CELF2: variants seen among roughly 807,000 people sequenced by gnomAD.
CELF2 encodes the protein CUGBP Elav-like family member 2, also known as CUG triplet repeat RNA-binding protein 2.
A neutral mutation model predicts 62.6 loss-of-function variants in CELF2; 8 were observed. The observed-to-expected ratio is 0.13, with a 90% CI of 0.07 to 0.23. The LOEUF is 0.23. Among genes scored for constraint, CELF2 ranks in the 10% least tolerant of loss-of-function variants. The probability of loss-of-function intolerance (pLI) is 1.00; values close to 1 mark genes in which losing one functional copy is unlikely to be tolerated. For missense variants in CELF2, 333 were observed against 671.0 expected (o/e 0.50, Z 5.56); for synonymous variants, 258 against 250.0 (o/e 1.03, Z -0.30).
chr10:11,331,929 G>C lies in CELF2; in HGVS notation c.*2876G>C. On this transcript the variant is annotated 3_prime_UTR_variant, in exon 13 of 13. Transcript: ENST00000633077. ...GTTTGTTTTGGGGTGTTTCCAATTT[G>C]GATTTTTTTCCCTGCATCTATCCTC... 1 of 152,236 alleles carries C rather than the reference G, an allele frequency of 6.6e-6. No homozygotes were observed. The highest frequency in any genetic ancestry group is 1.5e-5 in the Non-Finnish European group (1 of 68,004). The allele number at this position is 152,236 out of a possible 1,614,324, so 9.4% of individuals were successfully genotyped here.
intron 9 of CELF2, among the ~76,000 whole-genome samples, chr10:11,313,631 A>C (rs528412621): frequency 3.9e-4 from 59 of 152,330 alleles, no homozygotes; most frequent in African/African-American, 1.4e-3. Flanking sequence ...CACACACTTA[A>C]ATGACAATTA....
the CELF2 span, among the ~76,000 whole-genome samples, chr10:10,507,564 C>T: frequency 6.6e-6 from 1 of 152,072 alleles, no homozygotes; most frequent in Non-Finnish European, 1.5e-5. Flanking sequence ...TAGCATGATC[C>T]CACTAGCTAC....
At chr10:11,216,393 A>C (rs2063368893) in intron 2 of CELF2, among the ~76,000 whole-genome samples, 1 of 152,200 alleles carries the variant, frequency 6.6e-6, no homozygotes, top group Admixed American at 6.5e-5. Context: ...TAAAGCCAAA[A>C]TAAAATACAT....
the CELF2 span, among the ~76,000 whole-genome samples, chr10:10,777,609 C>T: frequency 6.6e-6 from 1 of 152,218 alleles, no homozygotes; most frequent in Admixed American, 6.5e-5. Context: ...CCTTGGTCAA[C>T]TTGTCTCCCC....
the CELF2 span, among the ~76,000 whole-genome samples, chr10:10,725,395 C>T: frequency 1.3e-5 from 2 of 152,078 alleles, no homozygotes; most frequent in African/African-American, 2.4e-5. Flanking sequence ...TTAAATAGTC[C>T]GCAACAGTAC....
At chr10:10,971,157 G>C (rs551049373) in intron 2 of CELF2, among the ~76,000 whole-genome samples, 2 of 152,162 alleles carry the variant, frequency 1.3e-5, no homozygotes, top group East Asian at 3.9e-4. Context: ...TGCTTCTCTG[G>C]CTGCTCCTTC....
At chr10:10,515,840 A>G in the CELF2 span, among the ~76,000 whole-genome samples, 7 of 152,318 alleles carry the variant, frequency 4.6e-5, no homozygotes, top group East Asian at 1.3e-3. Context: ...GATGCACATT[A>G]TTTTTCGCAT....
chr10:10,608,727 C>T, the CELF2 span, among the ~76,000 whole-genome samples: 2 of 152,082 alleles, frequency 1.3e-5, no homozygotes, highest in African/African-American at 4.8e-5. Context: ...CCACTGAGAC[C>T]AAATAGATGA....
chr10:10,730,363 G>A, the CELF2 span, among the ~76,000 whole-genome samples: 1 of 152,172 alleles, frequency 6.6e-6, no homozygotes, highest in Non-Finnish European at 1.5e-5. Context: ...TGTAATCCCA[G>A]CTACTTGGGA....
At chr10:11,151,868 C>T (rs954226583) in intron 1 of CELF2, among the ~76,000 whole-genome samples, 3 of 152,240 alleles carry the variant, frequency 2.0e-5, no homozygotes, top group African/African-American at 7.2e-5. Context: ...CCCTGAGTCT[C>T]ACTCGGGTCA....
At chr10:11,140,698 G>A (rs2061200826) in intron 1 of CELF2, among the ~76,000 whole-genome samples, 1 of 152,084 alleles carries the variant, frequency 6.6e-6, no homozygotes, top group South Asian at 2.1e-4. Flanking sequence ...ACAATTTTTA[G>A]GATAGTGCCA....
the CELF2 span, among the ~76,000 whole-genome samples, chr10:10,558,417 T>G: frequency 6.6e-6 from 1 of 152,196 alleles, no homozygotes; most frequent in Non-Finnish European, 1.5e-5. Flanking sequence ...CTTTTTGATG[T>G]GCTGCTGGAT....
At chr10:10,774,360 G>C in the CELF2 span, among the ~76,000 whole-genome samples, 1 of 152,170 alleles carries the variant, frequency 6.6e-6, no homozygotes, top group Non-Finnish European at 1.5e-5. Context: ...GTTTGGATCT[G>C]GGTTCCCACC....
intron 1 of CELF2, among the ~76,000 whole-genome samples, chr10:10,878,688 A>G (rs777213698): frequency 1.3e-5 from 2 of 152,304 alleles, no homozygotes; most frequent in East Asian, 1.9e-4. Context: ...CTGAGTGACA[A>G]TACATCGCTA....
At chr10:10,860,047 G>T (rs955621171) in intron 1 of CELF2, among the ~76,000 whole-genome samples, 2 of 152,032 alleles carry the variant, frequency 1.3e-5, no homozygotes, top group South Asian at 2.1e-4. Context: ...ACATGTTAAG[G>T]TATCTTTTTA....
At position 11,242,936 on chromosome 10, in the gene CELF2, G is replaced by A. The variant is rs113208342; in HGVS notation, c.355-6217G>A. Among the ~76,000 whole-genome samples, 1 of 152,200 alleles carries A rather than the reference G, an allele frequency of 6.6e-6. No homozygotes were observed. Among genetic ancestry groups the A allele is most frequent in the South Asian group, 2.1e-4 (1 of 4,830 alleles). On this transcript the variant is annotated intron_variant, in intron 3 of 12. Transcript: ENST00000633077. This position sits in a 1 kb window ranked among gnomAD's most constrained non-coding sequence, Gnocchi z 4.8. ...CAGGGCGACAGGGACGGAGGCGCCG[G>A]TGGCAACTGGTGCTGGGTCAGAACC... is the stretch of plus-strand genomic sequence containing the variant.
intron 2 of CELF2, among the ~76,000 whole-genome samples, chr10:11,000,158 A>ATTGT (rs150622147): frequency 1.3e-5 from 2 of 152,066 alleles, no homozygotes; most frequent in Non-Finnish European, 2.9e-5. Context: ...CTAGTTTTTG[A>ATTGT]TTGTTTGTTT....
intron 1 of CELF2, among the ~76,000 whole-genome samples, chr10:11,052,352 G>A (rs374122507): frequency 6.6e-6 from 1 of 152,202 alleles, no homozygotes; most frequent in Admixed American, 6.5e-5. Context: ...AGTTAGTTCA[G>A]ATAATTCATT....
At chr10:11,292,243 C>T (rs528180220) in intron 9 of CELF2, among the ~76,000 whole-genome samples, 4 of 152,366 alleles carry the variant, frequency 2.6e-5, no homozygotes, top group Admixed American at 2.6e-4. Context: ...GACACTTCCT[C>T]TTTGACTATC....
Sources: gnomAD v4.1 joint callset for allele counts (sites outside exome capture counted in the v4.1 genomes callset) on GRCh38, gnomAD v4.1.1 for gene constraint, Gnocchi (gnomAD v3.1) non-coding constraint, MANE v1.5 for transcripts, NCBI Gene and HGNC (gene_info 2026-07-23, HGNC 2026-07-21) for gene names.